KDM4C: variants seen among roughly 807,000 people sequenced by gnomAD.
The protein encoded by KDM4C is lysine-specific demethylase 4C.
In KDM4C, 81 loss-of-function variants were observed where a neutral mutation model predicts 129.3. That is an observed-to-expected ratio of 0.63 (90% CI 0.52 to 0.75). The LOEUF (loss-of-function observed/expected upper bound fraction) is 0.75. KDM4C is among the 30% of genes least tolerant of loss of function. The pLI is 0.00. For synonymous variants in KDM4C, 573 were observed against 456.1 expected (o/e 1.26, Z -3.26); for missense variants, 1,457 against 1,304.0 (o/e 1.12, Z -1.81).
chr9:7,150,000 G>C (rs185240950), intron 19 of KDM4C, among the ~76,000 whole-genome samples: 34 of 152,330 alleles, frequency 2.2e-4, no homozygotes, highest in African/African-American at 6.0e-4. Flanking sequence ...GCACAGCCCT[G>C]AGATCACGAG....
At chr9:6,783,894 G>A (rs552131392) in intron 1 of KDM4C, among the ~76,000 whole-genome samples, 3 of 152,134 alleles carry the variant, frequency 2.0e-5, no homozygotes, top group East Asian at 3.8e-4. Flanking sequence ...AAGAAACCCC[G>A]TTCTCTGTTG....
At chr9:7,072,433 A>G (rs1030458771) in intron 17 of KDM4C, among the ~76,000 whole-genome samples, 1 of 152,192 alleles carries the variant, frequency 6.6e-6, no homozygotes, top group African/African-American at 2.4e-5. Context: ...ATATAATGCT[A>G]CTCAGCACTA....
At chr9:6,783,527 A>C (rs1425740852) in intron 1 of KDM4C, among the ~76,000 whole-genome samples, 1 of 152,156 alleles carries the variant, frequency 6.6e-6, no homozygotes, top group African/African-American at 2.4e-5. Flanking sequence ...GCATGGATGA[A>C]ATCTCCCATA....
At chr9:6,894,159 G>A (rs186159174) in intron 8 of KDM4C, among the ~76,000 whole-genome samples, 1 of 152,294 alleles carries the variant, frequency 6.6e-6, no homozygotes, top group Non-Finnish European at 1.5e-5. Flanking sequence ...AGTATATTTA[G>A]GGGAGACAAC....
At chr9:7,126,903 C>T (rs529879928) in intron 18 of KDM4C, among the ~76,000 whole-genome samples, 107 of 151,836 alleles carry the variant, frequency 7.0e-4, no homozygotes, top group Admixed American at 5.1e-3. Flanking sequence ...AGAACCAGTA[C>T]GAAGGGGCTC....
chr9:6,925,286 A>G (rs1822271213), intron 8 of KDM4C: 1 of 985,320 alleles, frequency 1.0e-6, no homozygotes, highest in Non-Finnish European at 1.2e-6. Flanking sequence ...CTATGGGAAA[A>G]TATAATAATG....
At chr9:7,153,033 C>G (rs1442335656) in intron 19 of KDM4C, among the ~76,000 whole-genome samples, 1 of 152,146 alleles carries the variant, frequency 6.6e-6, no homozygotes, top group African/African-American at 2.4e-5. Context: ...TTTTTCCTAT[C>G]TTTAAGAAAT....
chr9:7,127,944 A>ATT, intron 18 of KDM4C, 122 bp from the exon 19 acceptor site: 2 of 835,524 alleles, frequency 2.4e-6, no homozygotes, highest in Middle Eastern at 2.7e-4. Context: ...TAAGTTAAAA[A>ATT]TTTTTTTTTT....
intron 15 of KDM4C, among the ~76,000 whole-genome samples, chr9:7,025,746 T>C (rs1370605089): frequency 6.6e-6 from 1 of 152,242 alleles, no homozygotes; most frequent in East Asian, 1.9e-4. Flanking sequence ...TTATTAGTTT[T>C]GGTTGGTTCA....
chr9:6,725,547 G>A (rs1588028849), intron 1 of KDM4C, among the ~76,000 whole-genome samples: 1 of 152,018 alleles, frequency 6.6e-6, no homozygotes, highest in East Asian at 1.9e-4. Context: ...GAGTGCAATG[G>A]CACGATCTTG....
chr9:7,074,455 C>T (rs950882581), intron 17 of KDM4C, among the ~76,000 whole-genome samples: 1 of 152,208 alleles, frequency 6.6e-6, no homozygotes, highest in Non-Finnish European at 1.5e-5. Flanking sequence ...GTATGAGCCA[C>T]TGTGCCCAGC....
chr9:7,012,671 T>C (rs561445958), intron 13 of KDM4C, among the ~76,000 whole-genome samples: 62 of 152,144 alleles, frequency 4.1e-4, no homozygotes, highest in Non-Finnish European at 6.6e-4. Flanking sequence ...TCCATAGATA[T>C]TATACTGATA....
chr9:6,854,804 A>G (rs1004184145), intron 5 of KDM4C, among the ~76,000 whole-genome samples: 4 of 152,224 alleles, frequency 2.6e-5, no homozygotes, highest in Non-Finnish European at 5.9e-5. Flanking sequence ...ATGCTTTCTC[A>G]TTAGAACTTT....
chr9:6,825,457 G>T (rs887358137), intron 4 of KDM4C, among the ~76,000 whole-genome samples: 1 of 152,168 alleles, frequency 6.6e-6, no homozygotes, highest in African/African-American at 2.4e-5. Context: ...AGGTAACTGT[G>T]TTCTATCTTT....
At chr9:6,832,314 T>TG (rs1834974666) in intron 4 of KDM4C, among the ~76,000 whole-genome samples, 1 of 146,640 alleles carries the variant, frequency 6.8e-6, no homozygotes, top group Non-Finnish European at 1.5e-5. Context: ...CACTCCAGCC[T>TG]GGGCGACAGA....
chr9:7,024,455 G>A (rs1207143726), intron 15 of KDM4C, among the ~76,000 whole-genome samples: 1 of 151,632 alleles, frequency 6.6e-6, no homozygotes, highest in Non-Finnish European at 1.5e-5. Context: ...TTAGCATTAG[G>A]TATATCACCT....
Position 6,883,858 on chromosome 9 carries a change from T to G in KDM4C, c.679+3797T>G, listed in dbSNP as rs1364604072. 5.9e-5 allele frequency among the ~76,000 whole-genome samples: 9 copies of G among 152,052 alleles called. No individual in the cohort carries two copies. The East Asian group carries it at 1.5e-3, about 26-fold the overall frequency. The stretch of plus-strand genomic sequence containing the variant: ...TCCTTGGTGACTTGTGCGTAGATTA[T>G]CCATGGATATTTCAAGGGGGTGGGA... On this transcript the variant is annotated intron_variant, in intron 6 of 21. Transcript: ENST00000381309.
chr9:6,768,958 A>T (rs983614157), intron 1 of KDM4C, among the ~76,000 whole-genome samples: 1 of 151,888 alleles, frequency 6.6e-6, no homozygotes, highest in Admixed American at 6.6e-5. Context: ...TTTTTAGTAG[A>T]GGCGGGGTTT....
chr9:6,873,628 T>C (rs1370477975), intron 5 of KDM4C, among the ~76,000 whole-genome samples: 1 of 152,228 alleles, frequency 6.6e-6, no homozygotes, highest in African/African-American at 2.4e-5. Context: ...GAAGCCTTGC[T>C]CTGGATTAGG....
Sources: gnomAD v4.1 joint callset for allele counts (sites outside exome capture counted in the v4.1 genomes callset) on GRCh38, gnomAD v4.1.1 for gene constraint, MANE v1.5 for transcripts, NCBI Gene and HGNC (gene_info 2026-07-23, HGNC 2026-07-21) for gene names.